The following STEAP1B variants were observed in gnomAD, a reference collection of about 807,000 sequenced individuals.
STEAP1B encodes STEAP family member 1B.
Under a neutral mutation model 27.9 loss-of-function variants are expected in STEAP1B, and 13 were observed. The ratio of observed to expected loss-of-function variants is 0.47; its 90% CI spans 0.30 to 0.74. The LOEUF (loss-of-function observed/expected upper bound fraction) is 0.74, where lower values mean the gene tolerates loss of function less well. STEAP1B is among the 30% of genes least tolerant of loss of function. The pLI, the probability that STEAP1B is intolerant of heterozygous loss-of-function variation, is 0.06. For synonymous variants in STEAP1B, 86 were observed against 107.1 expected, an observed-to-expected ratio of 0.80 and a Z score of 1.22; for missense variants, 250 against 298.7, an observed-to-expected ratio of 0.84 and a Z score of 1.20.
chr7:22,481,876 G>A (rs1786080640), intron 4 of STEAP1B, among the ~76,000 whole-genome samples: 1 of 152,226 alleles, frequency 6.6e-6, no homozygotes, highest in Non-Finnish European at 1.5e-5. Context: ...GCGGTTTCCT[G>A]TAATCCTTGA....
intron 4 of STEAP1B, among the ~76,000 whole-genome samples, chr7:22,435,941 A>C (rs1785247963): frequency 6.6e-6 from 1 of 152,190 alleles, no homozygotes; most frequent in Non-Finnish European, 1.5e-5. Context: ...TCTCAAGCTG[A>C]GCCACTGCGT....
chr7:22,445,694 G>GAGC (rs1352691218), intron 4 of STEAP1B, among the ~76,000 whole-genome samples: 1 of 152,278 alleles, frequency 6.6e-6, no homozygotes, highest in Non-Finnish European at 1.5e-5. Context: ...CCAGATGCAA[G>GAGC]AGCAGCAGGG....
At chr7:22,470,358 A>G (rs1368357614) in intron 4 of STEAP1B, among the ~76,000 whole-genome samples, 1 of 152,236 alleles carries the variant, frequency 6.6e-6, no homozygotes, top group African/African-American at 2.4e-5. Context: ...AGTAAGATGA[A>G]TATCTATGAG....
intron 4 of STEAP1B, among the ~76,000 whole-genome samples, chr7:22,466,032 A>C (rs754018414): frequency 1.3e-5 from 2 of 152,228 alleles, no homozygotes; most frequent in Non-Finnish European, 2.9e-5. Context: ...TGCAGAACAC[A>C]CATTCAGGTG....
intron 4 of STEAP1B, among the ~76,000 whole-genome samples, chr7:22,480,422 C>G (rs911278807): frequency 6.6e-6 from 1 of 152,120 alleles, no homozygotes; most frequent in African/African-American, 2.4e-5. Flanking sequence ...TCCACAAAGG[C>G]GACAAGAATG....
intron 4 of STEAP1B, among the ~76,000 whole-genome samples, chr7:22,492,048 G>A (rs1403369552): frequency 3.9e-5 from 6 of 152,070 alleles, no homozygotes; most frequent in South Asian, 4.2e-4. Flanking sequence ...TAGGCCGGGC[G>A]CGGTGGCTCA....
At chr7:22,499,709 A>T (rs553813427) in intron 1 of STEAP1B, among the ~76,000 whole-genome samples, 1 of 152,366 alleles carries the variant, frequency 6.6e-6, no homozygotes, top group Admixed American at 6.5e-5. Context: ...GAAGACGAGA[A>T]GTAGCACGAT....
chr7:22,419,902 G>A (rs369636821), intron 4 of STEAP1B, 66 bp from the exon 5 acceptor site: 75 of 1,476,846 alleles, frequency 5.1e-5, no homozygotes, highest in South Asian at 2.6e-4. Context: ...ATTAATTTGC[G>A]TCCATTTTAT....
In STEAP1B at chr7:22,430,019, T is replaced by C. The variant is rs866257564; in HGVS notation, c.763-10183A>G. Among the ~76,000 whole-genome samples the C allele has an allele frequency of 4.4e-4, 67 of 152,176 alleles. 1 individual carries two copies. Among genetic ancestry groups the C allele is most frequent in the African/African-American group, 1.5e-3 (62 of 41,434 alleles). On this transcript the variant is annotated intron_variant, in intron 4 of 4. Coordinates refer to ENST00000678116, the MANE Select transcript of STEAP1B (RefSeq NM_001382447.1). ...AGGGCAGAGGGCATGAGGGACTAGA[T>C]TGGGGAACTGACCCACTAGCATCTT...
intron 4 of STEAP1B, among the ~76,000 whole-genome samples, chr7:22,448,339 A>G (rs1162679229): frequency 1.3e-5 from 2 of 152,252 alleles, no homozygotes; most frequent in Non-Finnish European, 2.9e-5. Context: ...GAATATAGAT[A>G]GAAATGATAT....
intron 4 of STEAP1B, among the ~76,000 whole-genome samples, chr7:22,477,811 C>T (rs1785997949): frequency 6.6e-6 from 1 of 152,120 alleles, no homozygotes; most frequent in South Asian, 2.1e-4. Flanking sequence ...GGCTTTATCT[C>T]CTTTTAATCT....
chr7:22,467,865 C>G (rs1302397759), intron 4 of STEAP1B, among the ~76,000 whole-genome samples: 3 of 152,120 alleles, frequency 2.0e-5, no homozygotes, highest in African/African-American at 7.2e-5. Flanking sequence ...CAAACTCACC[C>G]AAGAACCTTT....
At chr7:22,474,005 G>T (rs1033762657) in intron 4 of STEAP1B, among the ~76,000 whole-genome samples, 5 of 152,162 alleles carry the variant, frequency 3.3e-5, no homozygotes, top group Non-Finnish European at 7.3e-5. Flanking sequence ...ACATGACTTT[G>T]TTTTATTATT....
chr7:22,456,048 G>C (rs545815182), intron 4 of STEAP1B, among the ~76,000 whole-genome samples: 1 of 152,170 alleles, frequency 6.6e-6, no homozygotes, highest in Admixed American at 6.5e-5. Flanking sequence ...TCGTGAGGCT[G>C]AGGCAGGAGA....
At position 22,478,679 on chromosome 7, in the gene STEAP1B, T is replaced by TG. The variant is rs907798457; in HGVS notation, c.762+13885dup. Among the ~76,000 whole-genome samples, 23 of 151,914 alleles carry TG rather than the reference T, an allele frequency of 1.5e-4. No homozygotes were observed. The East Asian group carries it at 1.9e-3, about 13-fold the overall frequency. On this transcript the variant is annotated intron_variant, in intron 4 of 4. Coordinates refer to ENST00000678116, the MANE Select transcript of STEAP1B (RefSeq NM_001382447.1). ...AATTTATACATATAAAAATCTTACTTGGGGGGGGCTTGGACAGAGTCATCA... is the reference window on the plus strand; with the variant it reads ...AATTTATACATATAAAAATCTTACTTGGGGGGGGGCTTGGACAGAGTCATCA...
chr7:22,464,329 CCT>C (rs983893510), intron 4 of STEAP1B, among the ~76,000 whole-genome samples: 32 of 152,296 alleles, frequency 2.1e-4, no homozygotes, highest in African/African-American at 7.0e-4. Flanking sequence ...CACTCTGTCC[CCT>C]GACTGCTGTC....
intron 4 of STEAP1B, among the ~76,000 whole-genome samples, chr7:22,427,620 T>C (rs1785125684): frequency 6.6e-6 from 1 of 152,140 alleles, no homozygotes; most frequent in South Asian, 2.1e-4. Context: ...CATGTTAGCA[T>C]AGAAGAAAGA....
intron 4 of STEAP1B, chr7:22,438,533 G>T (rs1014061507): frequency 1.9e-6 from 3 of 1,551,634 alleles, no homozygotes; most frequent in Non-Finnish European, 2.6e-6. Context: ...TTTTTATTGA[G>T]ATTTTCTAGA....
intron 4 of STEAP1B, among the ~76,000 whole-genome samples, chr7:22,471,974 T>C (rs776037227): frequency 2.6e-5 from 4 of 151,904 alleles, no homozygotes; most frequent in Non-Finnish European, 4.4e-5. Flanking sequence ...AGGCTGTGTT[T>C]CTGGCTATTG....
Sources: allele counts gnomAD v4.1 joint callset (sites outside exome capture counted in the v4.1 genomes callset), GRCh38; gene constraint gnomAD v4.1.1; transcripts MANE v1.5; gene names NCBI Gene and HGNC (gene_info 2026-07-23, HGNC 2026-07-21).